The following ANXA11 variants were observed in gnomAD, a reference collection of about 807,000 sequenced individuals.
ANXA11 encodes annexin A11.
Under a neutral mutation model 64.7 loss-of-function variants are expected in ANXA11, and 57 were observed. The ratio of observed to expected loss-of-function variants is 0.88; its 90% confidence interval spans 0.71 to 1.10. The LOEUF (loss-of-function observed/expected upper bound fraction) is 1.10, where lower values mean the gene tolerates loss of function less well. Ranked by LOEUF, ANXA11 falls within the 50% of genes least tolerant of loss-of-function variation. The pLI, the probability that ANXA11 is intolerant of heterozygous loss-of-function variation, is 0.00. For missense variants in ANXA11, 675 were observed against 670.7 expected, an observed-to-expected ratio of 1.01 and a Z score of -0.07; for synonymous variants, 260 against 265.2, an observed-to-expected ratio of 0.98 and a Z score of 0.19.
At chr10:80,181,706 C>A (rs577232722) in intron 1 of ANXA11, among the ~76,000 whole-genome samples, 11 of 152,244 alleles carry the variant, frequency 7.2e-5, no homozygotes, top group African/African-American at 2.6e-4. Flanking sequence ...CTCAACATGT[C>A]ATTAATAAAT....
intron 12 of ANXA11, among the ~76,000 whole-genome samples, chr10:80,160,857 G>T (rs1229487601): frequency 6.6e-6 from 1 of 152,058 alleles, no homozygotes; most frequent in Admixed American, 6.6e-5. Flanking sequence ...TCAGTTGAGG[G>T]CCATTCTCCC....
At chr10:80,195,899 C>T (rs1840138979) in intron 1 of ANXA11, 1 of 152,272 alleles carries the variant, frequency 6.6e-6, no homozygotes, top group Non-Finnish European at 1.5e-5. Context: ...GAAAGACCTG[C>T]CCCATTCAGT....
intron 1 of ANXA11, among the ~76,000 whole-genome samples, chr10:80,203,946 G>A (rs1258376256): frequency 6.6e-6 from 1 of 152,114 alleles, no homozygotes; most frequent in Non-Finnish European, 1.5e-5. Flanking sequence ...TTATGACCCA[G>A]GCCTGCCTCA....
intron 3 of ANXA11, 83 bp downstream of exon 3, chr10:80,172,724 G>C: frequency 7.2e-7 from 1 of 1,391,588 alleles, no homozygotes. Flanking sequence ...AGGGGAGTGA[G>C]GAAACTACTG....
intron 12 of ANXA11, among the ~76,000 whole-genome samples, chr10:80,161,009 C>T (rs937225502): frequency 2.0e-5 from 3 of 152,174 alleles, no homozygotes; most frequent in Non-Finnish European, 4.4e-5. Flanking sequence ...TCCCCGGGTC[C>T]CTGCAGCAGC....
chr10:80,155,682 C>A lies in ANXA11; in HGVS notation c.*171G>T. The A allele has an allele frequency of 1.5e-6, 1 of 685,050 alleles. No individual in the cohort carries two copies. The highest frequency in any genetic ancestry group is 1.8e-5 in the South Asian group (1 of 57,126). The allele number at this position is 685,050 out of a possible 1,614,324, so 42.4% of individuals were successfully genotyped here. On this transcript the variant is annotated 3_prime_UTR_variant, in exon 16 of 16. Transcript: ENST00000422982. Reference sequence around the variant, plus strand: ...CATCCTGAGAGAGTTCTAGACCGACCCAGGTCCTGTGGCACACTATACGGG... The same window carrying A: ...CATCCTGAGAGAGTTCTAGACCGACACAGGTCCTGTGGCACACTATACGGG...
intron 1 of ANXA11, among the ~76,000 whole-genome samples, chr10:80,179,514 C>T (rs1348948020): frequency 6.6e-6 from 1 of 152,228 alleles, no homozygotes; most frequent in Non-Finnish European, 1.5e-5. Flanking sequence ...ACAGACTAGA[C>T]CTAGGCACCC....
intron 3 of ANXA11, chr10:80,171,964 T>C: frequency 1.0e-6 from 1 of 972,974 alleles, no homozygotes; most frequent in Non-Finnish European, 1.2e-6. Flanking sequence ...CCTCTAGGTC[T>C]GAGTCTGTTC....
At chr10:80,171,492 G>T in intron 3 of ANXA11, 1 of 512,886 alleles carries the variant, frequency 1.9e-6, no homozygotes, top group Non-Finnish European at 2.5e-6. Flanking sequence ...TCTGAAACCA[G>T]CAGGACCGGT....
chr10:80,195,710 A>G (rs538774092), intron 1 of ANXA11: 48 of 161,452 alleles, frequency 3.0e-4, no homozygotes, highest in Admixed American at 2.4e-3. Context: ...TTTACAAAAG[A>G]AAGAGGTTTA....
chr10:80,161,841 G>A, intron 12 of ANXA11, 94 bp downstream of exon 12: 3 of 1,112,870 alleles, frequency 2.7e-6, no homozygotes, highest in East Asian at 2.4e-5. Context: ...CCCACGCAGG[G>A]AGGAACGACC....
At chr10:80,185,103 T>G (rs1846491724) in intron 1 of ANXA11, among the ~76,000 whole-genome samples, 1 of 152,194 alleles carries the variant, frequency 6.6e-6, no homozygotes, top group Admixed American at 6.5e-5. Context: ...GACATCACAC[T>G]CCCACAATAT....
At position 80,152,280 on chromosome 10, in the gene ANXA11, C is replaced by T. The variant is rs1845169982; in HGVS notation, c.*3573G>A. On this transcript the variant is annotated 3_prime_UTR_variant, in exon 16 of 16. Transcript: ENST00000422982. ...ACCTGTAAGGTTGCACATCTTTCTCCCTATCTTTTTTGTCCTAAGCATAAT... is the reference window on the plus strand; with the variant it reads ...ACCTGTAAGGTTGCACATCTTTCTCTCTATCTTTTTTGTCCTAAGCATAAT... The T allele has an allele frequency of 6.6e-6, 1 of 152,160 alleles. No homozygotes were observed. Among genetic ancestry groups the T allele is most frequent in the Non-Finnish European group, 1.5e-5 (1 of 68,026 alleles). 9.4% of individuals were successfully genotyped at this position (152,160 alleles called of 1,614,324 possible). A position where few individuals can be genotyped will look rare whatever the true frequency, so the allele number is the denominator to read the frequency against.
chr10:80,167,434 G>T, intron 5 of ANXA11, 121 bp from the exon 6 acceptor site: 1 of 813,106 alleles, frequency 1.2e-6, no homozygotes, highest in Non-Finnish European at 2.0e-6. Context: ...ATCTAAAGGA[G>T]TCCACAGTCA....
chr10:80,173,542 G>A (rs1026923304), intron 2 of ANXA11, among the ~76,000 whole-genome samples: 1 of 152,218 alleles, frequency 6.6e-6, no homozygotes, highest in Non-Finnish European at 1.5e-5. Context: ...CAGTAAGGGA[G>A]GAAGAGCAGC....
At chr10:80,199,598 G>A (rs187892965) in intron 1 of ANXA11, among the ~76,000 whole-genome samples, 1 of 152,200 alleles carries the variant, frequency 6.6e-6, no homozygotes, top group East Asian at 1.9e-4. Context: ...TTGAGCCCAG[G>A]AGTTTGAGAC....
intron 12 of ANXA11, among the ~76,000 whole-genome samples, chr10:80,161,449 T>C (rs1164412266): frequency 1.3e-5 from 2 of 152,242 alleles, no homozygotes; most frequent in South Asian, 4.1e-4. Context: ...TGTTGTTTAC[T>C]GTCTGTCTCC....
chr10:80,199,201 C>T (rs534961124), intron 1 of ANXA11, among the ~76,000 whole-genome samples: 5 of 151,676 alleles, frequency 3.3e-5, no homozygotes, highest in Non-Finnish European at 5.9e-5. Context: ...GGGTTCATGC[C>T]ATTCTCCTGC....
chr10:80,188,705 A>ACAAGGAC (rs372034811), intron 1 of ANXA11, among the ~76,000 whole-genome samples: 1 of 151,938 alleles, frequency 6.6e-6, no homozygotes, highest in Non-Finnish European at 1.5e-5. Context: ...TTGGATTACT[A>ACAAGGAC]TGAGGACTAA....
Sources: allele counts gnomAD v4.1 joint callset (sites outside exome capture counted in the v4.1 genomes callset), GRCh38; gene constraint gnomAD v4.1.1; transcripts MANE v1.5; gene names NCBI Gene and HGNC (gene_info 2026-07-23, HGNC 2026-07-21).